Variants in KCTD8 observed in about 807,000 individuals in gnomAD.
KCTD8 encodes potassium channel tetramerization domain containing 8, also known as BTB/POZ domain-containing protein KCTD8.
KCTD8 carries 27 observed loss-of-function variants against 31.5 expected under a neutral mutation model. The ratio of observed to expected loss-of-function variants is 0.86; its 90% CI spans 0.63 to 1.18. The LOEUF (loss-of-function observed/expected upper bound fraction) is 1.18. Among genes scored for constraint, KCTD8 ranks in the 50% most tolerant of loss-of-function variants. The pLI is 0.00. For missense variants in KCTD8, 658 were observed against 647.7 expected (o/e 1.02, Z -0.17); for synonymous variants, 290 against 280.0 (o/e 1.04, Z -0.36).
At chr4:44,265,938 G>C (rs1408632727) in intron 1 of KCTD8, among the ~76,000 whole-genome samples, 8 of 152,062 alleles carry the variant, frequency 5.3e-5, no homozygotes, top group African/African-American at 1.9e-4. Flanking sequence ...GAAAGTGACA[G>C]GGAGAATGGA....
intron 1 of KCTD8, among the ~76,000 whole-genome samples, chr4:44,336,642 G>C: frequency 6.6e-6 from 1 of 151,736 alleles, no homozygotes; most frequent in East Asian, 1.9e-4. Flanking sequence ...CAAAAAATAA[G>C]AAAATCTCAT....
At chr4:44,415,897 G>A (rs998571114) in intron 1 of KCTD8, among the ~76,000 whole-genome samples, 3 of 152,172 alleles carry the variant, frequency 2.0e-5, no homozygotes, top group Non-Finnish European at 2.9e-5. Context: ...TCCCCACCAG[G>A]GGACTGTCAG....
chr4:44,304,107 A>C (rs959721166), intron 1 of KCTD8, among the ~76,000 whole-genome samples: 1 of 152,122 alleles, frequency 6.6e-6, no homozygotes, highest in Non-Finnish European at 1.5e-5. Flanking sequence ...GAGACACCAG[A>C]ATTTTGATTC....
At chr4:44,311,510 C>T (rs2109399515) in intron 1 of KCTD8, among the ~76,000 whole-genome samples, 1 of 152,058 alleles carries the variant, frequency 6.6e-6, no homozygotes, top group East Asian at 1.9e-4. Context: ...TTTTAAAATT[C>T]AAGTCATCAG....
At position 44,324,658 on chromosome 4, in the gene KCTD8, G is replaced by A. The variant is rs78941309; in HGVS notation, c.961+122905C>T. ...TTTAATTTTTCTTTCAATTGCCCCT[G>A]AGGCTGATGAATTTTTCCTTATAGT... On this transcript the variant is annotated intron_variant, in intron 1 of 1. Coordinates refer to ENST00000360029, the MANE Select transcript of KCTD8 (RefSeq NM_198353.3). Among the ~76,000 whole-genome samples the A allele has an allele frequency of 3.2e-3, 492 of 152,010 alleles. 19 individuals carry two copies. The East Asian group carries it at 0.072, about 22-fold the overall frequency.
intron 1 of KCTD8, among the ~76,000 whole-genome samples, chr4:44,240,535 T>C (rs1361069642): frequency 6.6e-6 from 1 of 152,208 alleles, no homozygotes; most frequent in Admixed American, 6.5e-5. Flanking sequence ...GAGGTCTCGA[T>C]ATGTTGTTGC....
intron 1 of KCTD8, among the ~76,000 whole-genome samples, chr4:44,391,914 T>G (rs1222545931): frequency 1.3e-5 from 2 of 151,980 alleles, no homozygotes; most frequent in Admixed American, 6.6e-5. Context: ...ATTCAGCAAA[T>G]CAGTCTTCTT....
At chr4:44,446,105 TA>T (rs1238248165) in intron 1 of KCTD8, among the ~76,000 whole-genome samples, 1 of 152,162 alleles carries the variant, frequency 6.6e-6, no homozygotes, top group African/African-American at 2.4e-5. Flanking sequence ...AGCATTACTT[TA>T]AAAAGTAGTC....
At chr4:44,316,800 A>G in intron 1 of KCTD8, among the ~76,000 whole-genome samples, 1 of 113,284 alleles carries the variant, frequency 8.8e-6, no homozygotes, top group Non-Finnish European at 1.6e-5. Context: ...AATACGAAAA[A>G]AAAAAAAAAA....
At chr4:44,360,591 T>C (rs1283032577) in intron 1 of KCTD8, among the ~76,000 whole-genome samples, 1 of 152,028 alleles carries the variant, frequency 6.6e-6, no homozygotes, top group Non-Finnish European at 1.5e-5. Flanking sequence ...GAGAATTCTT[T>C]TTCAAACAAC....
At chr4:44,232,929 A>T (rs540984831) in intron 1 of KCTD8, among the ~76,000 whole-genome samples, 1 of 152,160 alleles carries the variant, frequency 6.6e-6, no homozygotes, top group African/African-American at 2.4e-5. Flanking sequence ...TGAGGAGCTA[A>T]AGTTGGAGTG....
chr4:44,380,907 C>A (rs1441876306), intron 1 of KCTD8, among the ~76,000 whole-genome samples: 1 of 151,890 alleles, frequency 6.6e-6, no homozygotes, highest in Non-Finnish European at 1.5e-5. Context: ...CAAAGTGAAA[C>A]CTTCCTTTAA....
At chr4:44,350,124 T>C (rs1173306535) in intron 1 of KCTD8, among the ~76,000 whole-genome samples, 1 of 152,188 alleles carries the variant, frequency 6.6e-6, no homozygotes, top group Non-Finnish European at 1.5e-5. Flanking sequence ...TTGATTCCCC[T>C]TTACTATTCT....
chr4:44,251,369 C>T (rs577132401), intron 1 of KCTD8, among the ~76,000 whole-genome samples: 31 of 151,734 alleles, frequency 2.0e-4, no homozygotes, highest in African/African-American at 6.3e-4. Flanking sequence ...CAGAAACCAA[C>T]TGGTAGATTC....
At chr4:44,283,038 T>C (rs1186564216) in intron 1 of KCTD8, among the ~76,000 whole-genome samples, 25 of 83,886 alleles carry the variant, frequency 3.0e-4, no homozygotes, top group Admixed American at 2.1e-3. Context: ...ATTATTATTA[T>C]TATTATTATT....
intron 1 of KCTD8, among the ~76,000 whole-genome samples, chr4:44,348,994 G>A (rs980613754): frequency 3.9e-5 from 6 of 151,936 alleles, no homozygotes; most frequent in Admixed American, 2.0e-4. Context: ...TTTATAAGGT[G>A]TATTTGTAGA....
At chr4:44,436,624 T>C (rs74989564) in intron 1 of KCTD8, among the ~76,000 whole-genome samples, 11,388 of 152,124 alleles carry the variant, frequency 0.075, 538 homozygotes, top group Non-Finnish European at 0.11. Context: ...TACTAAAGTA[T>C]GTAGGGGTGA....
intron 1 of KCTD8, among the ~76,000 whole-genome samples, chr4:44,295,405 A>G (rs1158964838): frequency 6.6e-6 from 1 of 152,182 alleles, no homozygotes; most frequent in Non-Finnish European, 1.5e-5. Context: ...TGGGCTTAAT[A>G]GCTCTTAAAT....
At chr4:44,187,134 C>G (rs117401219) in intron 1 of KCTD8, among the ~76,000 whole-genome samples, 1 of 152,094 alleles carries the variant, frequency 6.6e-6, no homozygotes, top group African/African-American at 2.4e-5. Flanking sequence ...CTACCTTATC[C>G]CTTTTAGTTT....
Sources: allele counts gnomAD v4.1 joint callset (sites outside exome capture counted in the v4.1 genomes callset), GRCh38; gene constraint gnomAD v4.1.1; transcripts MANE v1.5; gene names NCBI Gene and HGNC (gene_info 2026-07-23, HGNC 2026-07-21).